Variants in AFF3 observed in about 807,000 individuals in gnomAD.
The protein encoded by AFF3 is ALF transcription elongation factor 3.
AFF3 carries 32 observed loss-of-function variants against 129.7 expected under a neutral mutation model. The ratio of observed to expected loss-of-function variants is 0.25; its 90% CI spans 0.19 to 0.33. The LOEUF is 0.33. Among genes scored for constraint, AFF3 ranks in the 10% least tolerant of loss-of-function variants. The probability of loss-of-function intolerance (pLI) is 1.00; values close to 1 mark genes in which losing one functional copy is unlikely to be tolerated. For synonymous variants in AFF3, 644 were observed against 635.4 expected, an observed-to-expected ratio of 1.01 and a Z score of -0.20; for missense variants, 1,373 against 1,592.0, an observed-to-expected ratio of 0.86 and a Z score of 2.34.
chr2:99,582,851 T>C lies in AFF3; in HGVS notation c.2740A>G (p.Ser914Gly). Residue 914 changes from serine to glycine, a missense_variant, in exon 17 of 25, where the codon AGC (serine) becomes GGC (glycine). Physicochemically the swap from Ser to Gly is moderately conservative, Grantham distance 56. Around this residue, in one of 9 missense-constraint regions of AFF3, gnomAD observed 466 missense variants for 505.0 expected, o/e 0.92. Transcript: ENST00000672756. ...TGGCTGTCGGCCTTAGGCTTTTTGCTGGAAGAGGCTGAAGTAAACAAACTG... is the reference window on the plus strand; with the variant it reads ...TGGCTGTCGGCCTTAGGCTTTTTGCCGGAAGAGGCTGAAGTAAACAAACTG... Reference protein sequence around the residue: ...GNSLFTSASSSKKPKADSQLQ... With the variant: ...GNSLFTSASSGKKPKADSQLQ... 2 of 1,614,224 alleles carry C rather than the reference T, an allele frequency of 1.2e-6. No homozygotes were observed. The highest frequency in any genetic ancestry group is 1.7e-6 in the Non-Finnish European group (2 of 1,180,048).
intron 7 of AFF3, among the ~76,000 whole-genome samples, chr2:99,960,733 C>G (rs1677136672): frequency 6.6e-6 from 1 of 152,180 alleles, no homozygotes; most frequent in South Asian, 2.1e-4. Context: ...CAAATTCAGC[C>G]TGGGGCTTGC....
At chr2:99,717,955 TG>T (rs1228999059) in intron 11 of AFF3, among the ~76,000 whole-genome samples, 3 of 152,244 alleles carry the variant, frequency 2.0e-5, no homozygotes. Context: ...TGGACTGCTT[TG>T]GTGTCTCTGA....
chr2:99,577,063 C>A (rs1677068543), intron 18 of AFF3, among the ~76,000 whole-genome samples: 1 of 152,142 alleles, frequency 6.6e-6, no homozygotes, highest in East Asian at 1.9e-4. Context: ...CCCTCCTGGG[C>A]TGCCCTCAAG....
intron 7 of AFF3, among the ~76,000 whole-genome samples, chr2:99,903,514 A>C (rs1379143703): frequency 6.6e-6 from 1 of 152,204 alleles, no homozygotes; most frequent in African/African-American, 2.4e-5. Context: ...ATACCAGATT[A>C]TCTCTTCTTT....
intron 7 of AFF3, among the ~76,000 whole-genome samples, chr2:99,908,843 G>A (rs1453528557): frequency 6.6e-6 from 1 of 152,198 alleles, no homozygotes; most frequent in East Asian, 1.9e-4. Context: ...TGGAGAGGAT[G>A]TGGAGAAATA....
At chr2:99,884,084 A>G (rs1467185787) in intron 7 of AFF3, among the ~76,000 whole-genome samples, 1 of 152,254 alleles carries the variant, frequency 6.6e-6, no homozygotes, top group Non-Finnish European at 1.5e-5. Flanking sequence ...ATCATGTTGT[A>G]ACTACATTAG....
intron 4 of AFF3, among the ~76,000 whole-genome samples, chr2:100,016,264 G>A (rs1461572742): frequency 1.3e-5 from 2 of 151,308 alleles, no homozygotes; most frequent in Non-Finnish European, 3.0e-5. Flanking sequence ...GGTAGTGGTG[G>A]CGGTGGCAGT....
Position 100,065,549 on chromosome 2 carries a change from A to C in AFF3, c.53+38853T>G, listed in dbSNP as rs535666228. Among the ~76,000 whole-genome samples the C allele has an allele frequency of 7.2e-5, 11 of 152,344 alleles. No homozygotes were observed. The East Asian group carries it at 2.1e-3, about 29-fold the overall frequency. On this transcript the variant is annotated intron_variant, in intron 4 of 24. Transcript: ENST00000672756. Reference sequence around the variant, plus strand: ...ACATAAACTGTTTTGCTTAAAACACAAACATTTATTTTAAGTAAAACTATT... The same window carrying C: ...ACATAAACTGTTTTGCTTAAAACACCAACATTTATTTTAAGTAAAACTATT...
chr2:100,007,510 C>A, intron 5 of AFF3, 50 bp from the exon 6 acceptor site: 1 of 1,520,566 alleles, frequency 6.6e-7, no homozygotes, highest in Non-Finnish European at 8.9e-7. Flanking sequence ...AACAGAAACA[C>A]CGGAGATAAT....
At chr2:99,810,659 T>C (rs1686718846) in intron 8 of AFF3, among the ~76,000 whole-genome samples, 1 of 152,160 alleles carries the variant, frequency 6.6e-6, no homozygotes, top group Non-Finnish European at 1.5e-5. Context: ...TGTGTGTGTG[T>C]TGGCTTTCCA....
intron 9 of AFF3, among the ~76,000 whole-genome samples, chr2:99,745,755 G>A (rs1252386808): frequency 2.0e-5 from 3 of 152,174 alleles, no homozygotes; most frequent in Non-Finnish European, 2.9e-5. Context: ...AGTATTTTAA[G>A]TTTAGTTATT....
In AFF3 at chr2:99,794,747, T is replaced by C. The variant is rs1685441333; in HGVS notation, c.922-42446A>G. Among the ~76,000 whole-genome samples, 2 of 152,192 alleles carry C rather than the reference T, an allele frequency of 1.3e-5. 1 individual carries two copies. Among genetic ancestry groups the C allele is most frequent in the South Asian group, 4.1e-4 (2 of 4,836 alleles). ...ACTTCTAGTTCTGTTTAAAGCTCTGTCTCTTCACTACAGTCTAGAAAGCAG... is the reference window on the plus strand; with the variant it reads ...ACTTCTAGTTCTGTTTAAAGCTCTGCCTCTTCACTACAGTCTAGAAAGCAG... On this transcript the variant is annotated intron_variant, in intron 8 of 24. Transcript: ENST00000672756.
At chr2:100,141,828 C>T (rs576433739) in intron 1 of AFF3, among the ~76,000 whole-genome samples, 2 of 152,210 alleles carry the variant, frequency 1.3e-5, no homozygotes, top group Admixed American at 1.3e-4. Flanking sequence ...CACACAATGT[C>T]ATGTGTATAA....
chr2:100,000,318 A>C (rs576664227), intron 7 of AFF3, among the ~76,000 whole-genome samples: 4 of 152,298 alleles, frequency 2.6e-5, no homozygotes, highest in African/African-American at 9.6e-5. Flanking sequence ...AAAAACAAAT[A>C]CGCAGAAAAA....
At chr2:99,898,582 C>T (rs1427490986) in intron 7 of AFF3, among the ~76,000 whole-genome samples, 1 of 152,172 alleles carries the variant, frequency 6.6e-6, no homozygotes, top group Non-Finnish European at 1.5e-5. Context: ...ATCTTCTCTG[C>T]CCCGGGCATG....
At chr2:100,064,427 G>C (rs1203603143) in intron 4 of AFF3, among the ~76,000 whole-genome samples, 1 of 152,178 alleles carries the variant, frequency 6.6e-6, no homozygotes, top group Admixed American at 6.5e-5. Flanking sequence ...GGCAAGGAAA[G>C]TCTTACTTTC....
At chr2:99,565,723 A>T in intron 19 of AFF3, 100 bp from the exon 20 acceptor site, 1 of 1,298,254 alleles carries the variant, frequency 7.7e-7, no homozygotes. Flanking sequence ...CCCAACTCTG[A>T]CTTCTAAAAT....
chr2:99,602,591 A>G (rs527671927), intron 13 of AFF3, among the ~76,000 whole-genome samples: 8 of 152,334 alleles, frequency 5.3e-5, no homozygotes, highest in African/African-American at 1.9e-4. Context: ...AAATTGAAAC[A>G]CACCATACTG....
intron 10 of AFF3, among the ~76,000 whole-genome samples, chr2:99,728,105 T>C (rs916371323): frequency 1.3e-4 from 20 of 152,246 alleles, no homozygotes; most frequent in Non-Finnish European, 2.6e-4. Context: ...ACCAGTTCAC[T>C]TCTTGTAGTT....
Sources: allele counts gnomAD v4.1 joint callset (sites outside exome capture counted in the v4.1 genomes callset), GRCh38; gene constraint gnomAD v4.1.1; regional missense constraint gnomAD v4.1.1; transcripts MANE v1.5; gene names NCBI Gene and HGNC (gene_info 2026-07-23, HGNC 2026-07-21).